The following CC2D2A variants were observed in gnomAD, a reference collection of about 807,000 sequenced individuals.
CC2D2A encodes coiled-coil and C2 domain-containing protein 2A.
Under a neutral mutation model 212.9 loss-of-function variants are expected in CC2D2A, and 155 were observed. That is an observed-to-expected ratio of 0.73 (90% CI 0.64 to 0.83). CC2D2A has a LOEUF of 0.83. CC2D2A is among the 40% of genes least tolerant of loss of function. CC2D2A has a pLI of 0.00. For synonymous variants in CC2D2A, 667 were observed against 686.5 expected (o/e 0.97, Z 0.44); for missense variants, 1,856 against 1,956.2 (o/e 0.95, Z 0.97).
At chr4:15,600,502 CAGG>C (rs1721539315) in intron 36 of CC2D2A, among the ~76,000 whole-genome samples, 1 of 152,198 alleles carries the variant, frequency 6.6e-6, no homozygotes. Context: ...CTACCCAAAG[CAGG>C]AGAACATCAC....
At chr4:15,577,124 C>G (rs375757443) in intron 29 of CC2D2A, among the ~76,000 whole-genome samples, 20,863 of 152,124 alleles carry the variant, frequency 0.14, 1,504 homozygotes, top group Non-Finnish European at 0.15. Context: ...CTCCCAAGTA[C>G]TGGGACCACA....
At chr4:15,577,201 G>T (rs894371689) in intron 29 of CC2D2A, among the ~76,000 whole-genome samples, 2 of 152,004 alleles carry the variant, frequency 1.3e-5, no homozygotes, top group African/African-American at 4.8e-5. Flanking sequence ...TCCTTTTGTT[G>T]ACCAGGCTGC....
chr4:15,505,631 G>A (rs978551473), intron 6 of CC2D2A, among the ~76,000 whole-genome samples: 33 of 152,162 alleles, frequency 2.2e-4, no homozygotes, highest in African/African-American at 6.8e-4. Flanking sequence ...ATGGCACCTC[G>A]TCCCAGCCTC....
rs149705138 is a variant in CC2D2A, at chr4:15,566,311, T to C, written c.3183-1066T>C. On this transcript the variant is annotated intron_variant, in intron 24 of 36. Transcript: ENST00000424120. ...GCCCCAGGAGATTCCTTGCCTGACA[T>C]GTGTAGCTTGGGGTTATTGGAGAGT... 1.8e-4 allele frequency among the ~76,000 whole-genome samples: 28 copies of C among 152,078 alleles called. No homozygotes were observed. The East Asian group carries it at 5.2e-3, about 28-fold the overall frequency.
chr4:15,479,471 A>G, intron 3 of CC2D2A: 1 of 702,030 alleles, frequency 1.4e-6, no homozygotes, highest in Non-Finnish European at 2.5e-6. Flanking sequence ...AGTCACGTGA[A>G]GGGGCTGCAG....
intron 13 of CC2D2A, among the ~76,000 whole-genome samples, chr4:15,530,710 G>A (rs532974477): frequency 6.6e-6 from 1 of 151,998 alleles, no homozygotes; most frequent in South Asian, 2.1e-4. Context: ...CTTTTCACTA[G>A]GTGGTAAAAC....
chr4:15,590,241 G>T (rs1034946522), intron 33 of CC2D2A, among the ~76,000 whole-genome samples: 2 of 152,156 alleles, frequency 1.3e-5, no homozygotes, highest in Non-Finnish European at 2.9e-5. Flanking sequence ...AGAGCTGGGC[G>T]CTGTGGCTCA....
At chr4:15,471,175 T>C (rs776910521) in intron 1 of CC2D2A, among the ~76,000 whole-genome samples, 16 of 152,142 alleles carry the variant, frequency 1.1e-4, no homozygotes, top group Non-Finnish European at 1.8e-4. Context: ...CAAAACAATG[T>C]ATGTGGCACC....
At chr4:15,558,349 T>A (rs1323910604) in intron 21 of CC2D2A, among the ~76,000 whole-genome samples, 1 of 152,102 alleles carries the variant, frequency 6.6e-6, no homozygotes, top group Non-Finnish European at 1.5e-5. Context: ...AAAAGCCAAT[T>A]TTGAACTACC....
At chr4:15,550,747 C>A in intron 17 of CC2D2A, 77 bp from the exon 18 acceptor site, 1 of 1,116,936 alleles carries the variant, frequency 9.0e-7, no homozygotes, top group Non-Finnish European at 1.3e-6. Context: ...CAAATACTAA[C>A]AACATGGACT....
chr4:15,482,410 C>A, intron 4 of CC2D2A: 1 of 604,296 alleles, frequency 1.7e-6, no homozygotes, highest in Non-Finnish European at 2.1e-6. Context: ...GCTCTGAAGG[C>A]TGGACATCTG....
At chr4:15,578,818 T>C (rs987420825) in intron 29 of CC2D2A, among the ~76,000 whole-genome samples, 1 of 145,410 alleles carries the variant, frequency 6.9e-6, no homozygotes, top group African/African-American at 2.5e-5. Flanking sequence ...GTTTGTTTGT[T>C]TTTAATAGAG....
At chr4:15,518,097 CT>C (rs1716988480) in intron 11 of CC2D2A, among the ~76,000 whole-genome samples, 1 of 152,172 alleles carries the variant, frequency 6.6e-6, no homozygotes, top group Admixed American at 6.5e-5. Flanking sequence ...CATTTCACCC[CT>C]GGCCCCTCCC....
chr4:15,486,806 G>T lies in CC2D2A; in HGVS notation c.247+5979G>T, dbSNP rs1715025680. The stretch of plus-strand genomic sequence containing the variant: ...TTTATTGCTATAAAATTCCCTTCCG[G>T]TAATGCTTTTGCTATACCCTATAGG... On this transcript the variant is annotated intron_variant, in intron 4 of 36. Transcript: ENST00000424120. 2.6e-5 allele frequency among the ~76,000 whole-genome samples: 4 copies of T among 151,786 alleles called. No homozygotes were observed. The South Asian group carries it at 8.3e-4, about 32-fold the overall frequency.
rs372903309 is a variant in CC2D2A, at chr4:15,567,485, G to A, written c.3288+3G>A. 39 of 1,610,378 alleles carry A rather than the reference G, an allele frequency of 2.4e-5. No individual in the cohort carries two copies. The African/African-American group carries it at 5.2e-4, about 22-fold the overall frequency. On this transcript the variant is annotated splice_donor_region_variant and intron_variant, in intron 25 of 36. Coordinates refer to ENST00000424120, the MANE Select transcript of CC2D2A (RefSeq NM_001378615.1). ...ATGCTGACTACCCCCTCGGCCAGGT[G>A]AGAGATGCTGGACTTCAGCTTTCCA... is the stretch of plus-strand genomic sequence containing the variant.
intron 18 of CC2D2A, 76 bp downstream of exon 18, chr4:15,551,056 CCAGA>C (rs1392745433): frequency 3.5e-6 from 4 of 1,153,500 alleles, no homozygotes; most frequent in Admixed American, 2.4e-5. Flanking sequence ...ATTTCACTTC[CCAGA>C]CAACCATAGA....
intron 4 of CC2D2A, among the ~76,000 whole-genome samples, chr4:15,493,269 T>TTTATTTAC (rs1553822163): frequency 1.5e-4 from 23 of 150,726 alleles, no homozygotes; most frequent in Admixed American, 2.0e-4. Flanking sequence ...TATTTATTTA[T>TTTATTTAC]TTACTTACTT....
intron 36 of CC2D2A, among the ~76,000 whole-genome samples, chr4:15,600,380 G>T (rs113058005): frequency 6.6e-6 from 1 of 152,186 alleles, no homozygotes; most frequent in Non-Finnish European, 1.5e-5. Context: ...CCACTCTTTT[G>T]CAAGTCCTCC....
chr4:15,555,607 C>T (rs1035479751), intron 20 of CC2D2A, among the ~76,000 whole-genome samples: 16 of 152,090 alleles, frequency 1.1e-4, no homozygotes, highest in Non-Finnish European at 1.9e-4. Flanking sequence ...GGCACGGTGG[C>T]GCATGCCTAT....
Sources: allele counts gnomAD v4.1 joint callset (sites outside exome capture counted in the v4.1 genomes callset), GRCh38; gene constraint gnomAD v4.1.1; transcripts MANE v1.5; gene names NCBI Gene and HGNC (gene_info 2026-07-23, HGNC 2026-07-21).